Variants in DOP1B observed in about 807,000 individuals in gnomAD.
DOP1B encodes DOP1 leucine zipper like protein B, also known as protein DOP1B.
DOP1B carries 174 observed loss-of-function variants against 233.5 expected under a neutral mutation model. That is an observed-to-expected ratio of 0.75 (90% confidence interval 0.66 to 0.85). The LOEUF is 0.85. DOP1B is among the 40% of genes least tolerant of loss of function. The pLI is 0.00. For synonymous variants in DOP1B, 1,190 were observed against 1,185.6 expected, an observed-to-expected ratio of 1.00 and a Z score of -0.08; for missense variants, 2,652 against 2,846.6, an observed-to-expected ratio of 0.93 and a Z score of 1.56.
At chr21:36,157,031 G>A (rs1255853087) in intron 1 of DOP1B, 88 bp downstream of exon 1, 1 of 152,264 alleles carries the variant, frequency 6.6e-6, no homozygotes, top group Non-Finnish European at 1.5e-5. Flanking sequence ...CCGCCGGCCC[G>A]CGGGTCCTTC....
At chr21:36,211,474 A>T (rs184159782) in intron 5 of DOP1B, 79 bp from the exon 6 acceptor site, 40 of 1,334,158 alleles carry the variant, frequency 3.0e-5, no homozygotes, top group Non-Finnish European at 4.3e-5. Flanking sequence ...GAGTTTCAAG[A>T]TTCCCGGGAA....
At chr21:36,247,376 A>G (rs959463965) in intron 19 of DOP1B, 141 bp from the exon 20 acceptor site, 2 of 466,630 alleles carry the variant, frequency 4.3e-6, no homozygotes, top group East Asian at 3.4e-5. Flanking sequence ...ACATTATTAT[A>G]ATGATATTCT....
chr21:36,230,722 G>T lies in DOP1B; in HGVS notation c.1938G>T (p.Gln646His). The T allele has an allele frequency of 6.2e-7, 1 of 1,614,212 alleles. No homozygotes were observed. The change falls in exon 14 of 37, where the codon CAG becomes CAT. Residue 646 changes from glutamine to histidine, a missense_variant. This residue lies in a region of DOP1B where 2,617 missense variants were observed against 2,794.3 expected (regional missense o/e 0.94). Coordinates refer to ENST00000691173, the MANE Select transcript of DOP1B (RefSeq NM_001320714.2). ...CCAGCAAGAACATTTTTGGAGTACAGCTGACAGCGTCAGGAGAAGAAAGCA... is the reference window on the plus strand; with the variant it reads ...CCAGCAAGAACATTTTTGGAGTACATCTGACAGCGTCAGGAGAAGAAAGCA... The part of the protein sequence containing the change: ...NFASKNIFGV[Q>H]LTASGEESKS...
At position 36,245,377 on chromosome 21, in the gene DOP1B, C is replaced by G. The variant is rs750263886; in HGVS notation, c.3397C>G (p.His1133Asp). 6.2e-7 allele frequency: 1 copy of G among 1,614,130 alleles called. No homozygotes were observed. Among genetic ancestry groups the G allele is most frequent in the Admixed American group, 1.7e-5 (1 of 60,026 alleles). The stretch of plus-strand genomic sequence containing the variant: ...CACGTCCTCCTTCTCCTCCCCTTCC[C>G]ACGACCTGCAGGAGCTGAGCAACGA... ...ENTSSFSSPS[H>D]DLQELSNEEN... The change falls in exon 19 of 37, where the codon CAC (histidine) becomes GAC (aspartate). Residue 1133 changes from histidine (H) to aspartate (D), a missense_variant. Physicochemically the swap from His to Asp is moderately conservative, Grantham distance 81. Coordinates refer to ENST00000691173, the MANE Select transcript of DOP1B (RefSeq NM_001320714.2). This position sits in a 1 kb window ranked among gnomAD's most constrained non-coding sequence, Gnocchi z 5.5.
Position 36,207,031 on chromosome 21 carries a change from C to T in DOP1B, c.492-1684C>T, listed in dbSNP as rs534116712. Among the ~76,000 whole-genome samples the T allele has an allele frequency of 1.6e-4, 25 of 152,080 alleles. 1 individual carries two copies. Among genetic ancestry groups the T allele is most frequent in the African/African-American group, 4.8e-4 (20 of 41,474 alleles). On this transcript the variant is annotated intron_variant, in intron 4 of 36. Coordinates refer to ENST00000691173, the MANE Select transcript of DOP1B (RefSeq NM_001320714.2). ...TTGAAGGAAATACAAAAAAATTAAC[C>T]GAGGGGTTTTTCGAGTGCCAACCTG...
intron 18 of DOP1B, among the ~76,000 whole-genome samples, chr21:36,241,090 C>T (rs930459173): frequency 1.3e-5 from 2 of 151,918 alleles, no homozygotes; most frequent in Non-Finnish European, 2.9e-5. Context: ...GTCAAGAGAT[C>T]GAGACCATCC....
rs1169589655 is a variant in DOP1B at position 36,230,569 on chromosome 21, C to T, written c.1785C>T (p.Ala595=). 1 of 1,614,114 alleles carries T rather than the reference C, an allele frequency of 6.2e-7. No individual in the cohort carries two copies. The highest frequency in any genetic ancestry group is 1.7e-5 in the Admixed American group (1 of 60,002). Residue 595 remains alanine, a synonymous_variant, in exon 14 of 37, where the codon GCC becomes GCT. Coordinates refer to ENST00000691173, the MANE Select transcript of DOP1B (RefSeq NM_001320714.2). ...KSEDSGIGLS[A]SSPELSEHLR... ...AGGACAGTGGGATCGGGCTCAGTGC[C>T]TCGTCACCGGAGCTCTCTGAGCACT...
At chr21:36,185,504 A>C (rs2066154125) in intron 2 of DOP1B, among the ~76,000 whole-genome samples, 2 of 152,084 alleles carry the variant, frequency 1.3e-5, no homozygotes, top group Admixed American at 6.6e-5. Context: ...ACTCAGTGCC[A>C]CTCAGCCTCT....
chr21:36,207,377 G>A (rs999214142), intron 4 of DOP1B, among the ~76,000 whole-genome samples: 1 of 151,424 alleles, frequency 6.6e-6, no homozygotes, highest in Non-Finnish European at 1.5e-5. Flanking sequence ...TAGAGATGGG[G>A]TTTCACCATG....
At chr21:36,239,277 C>T (rs1038527179) in intron 17 of DOP1B, among the ~76,000 whole-genome samples, 7 of 152,146 alleles carry the variant, frequency 4.6e-5, no homozygotes, top group African/African-American at 1.7e-4. Flanking sequence ...GCAGCTTTTA[C>T]GGCATGCCCC....
At chr21:36,278,462 A>C in intron 30 of DOP1B, 107 bp downstream of exon 30, 1 of 1,206,840 alleles carries the variant, frequency 8.3e-7, no homozygotes, top group Non-Finnish European at 1.1e-6. Context: ...CCATAGGATC[A>C]ACCCAAATAA....
In DOP1B at chr21:36,246,424, A is replaced by T; in HGVS notation, c.4444A>T (p.Ile1482Phe). The part of the protein sequence containing the change: ...WQRALNFQQA[I>F]SALQYVQPHP... ...GAGAGCCCTGAACTTCCAGCAGGCC[A>T]TCAGCGCCCTGCAGTACGTGCAGCC... Residue 1482 changes from isoleucine to phenylalanine, a missense_variant, in exon 19 of 37, where the codon ATC becomes TTC. Ile to Phe is a conservative substitution (Grantham distance 21). Coordinates refer to ENST00000691173, the MANE Select transcript of DOP1B (RefSeq NM_001320714.2). This position sits in a 1 kb window ranked among gnomAD's most constrained non-coding sequence, Gnocchi z 5.1. 6.2e-7 allele frequency: 1 copy of T among 1,613,564 alleles called. No individual in the cohort carries two copies. The highest frequency in any genetic ancestry group is 8.5e-7 in the Non-Finnish European group (1 of 1,179,846).
At chr21:36,188,089 A>G (rs190175669) in intron 2 of DOP1B, among the ~76,000 whole-genome samples, 13 of 152,294 alleles carry the variant, frequency 8.5e-5, no homozygotes, top group African/African-American at 2.9e-4. Flanking sequence ...ATTCCTTGCT[A>G]GCAGCTTTAT....
intron 24 of DOP1B, among the ~76,000 whole-genome samples, chr21:36,263,024 C>T (rs938716723): frequency 1.3e-5 from 2 of 151,770 alleles, no homozygotes; most frequent in East Asian, 1.9e-4. Flanking sequence ...CACCTGAGGT[C>T]GGGAGTTCGA....
intron 32 of DOP1B, among the ~76,000 whole-genome samples, chr21:36,287,050 T>C (rs73381554): frequency 2.0e-3 from 308 of 152,260 alleles, no homozygotes; most frequent in African/African-American, 6.8e-3. Flanking sequence ...TTCAGCTGTT[T>C]GCTGTAGCAA....
rs1048934036 is a variant in DOP1B at position 36,275,390 on chromosome 21, G to A, written c.5633-1631G>A. Among the ~76,000 whole-genome samples the A allele has an allele frequency of 3.9e-5, 6 of 152,076 alleles. No individual in the cohort carries two copies. The East Asian group carries it at 9.7e-4, about 25-fold the overall frequency. On this transcript the variant is annotated intron_variant, in intron 27 of 36. Transcript: ENST00000691173. Reference sequence around the variant, plus strand: ...GCCTGTAATCCCAGCACTTTGGGAGGCTGAGGCTAGCAGTTTGCTTGAGCC... The same window carrying A: ...GCCTGTAATCCCAGCACTTTGGGAGACTGAGGCTAGCAGTTTGCTTGAGCC...
intron 4 of DOP1B, among the ~76,000 whole-genome samples, chr21:36,203,706 T>C (rs1359558423): frequency 6.6e-6 from 1 of 151,978 alleles, no homozygotes; most frequent in Non-Finnish European, 1.5e-5. Context: ...GTTGAGCTGG[T>C]GAAGGCTGGG....
chr21:36,158,583 T>C (rs2065841309), intron 1 of DOP1B, among the ~76,000 whole-genome samples: 1 of 151,490 alleles, frequency 6.6e-6, no homozygotes. Context: ...AGGGGGTGGA[T>C]CACAAGGTCA....
chr21:36,228,087 C>T (rs1023796303), intron 13 of DOP1B, among the ~76,000 whole-genome samples: 6 of 152,052 alleles, frequency 3.9e-5, no homozygotes, highest in South Asian at 2.1e-4. Context: ...CCAACACTTT[C>T]GGAGACTGGG....
Sources: gnomAD v4.1 joint callset for allele counts (sites outside exome capture counted in the v4.1 genomes callset) on GRCh38, gnomAD v4.1.1 for gene constraint, gnomAD v4.1.1 regional missense constraint, Gnocchi (gnomAD v3.1) non-coding constraint, MANE v1.5 for transcripts, NCBI Gene and HGNC (gene_info 2026-07-23, HGNC 2026-07-21) for gene names.